The following CHD6 variants were observed in gnomAD, a reference collection of about 807,000 sequenced individuals.
CHD6 encodes ATP-dependent chromatin remodeler CHD6.
Under a neutral mutation model 276.9 loss-of-function variants are expected in CHD6, and 50 were observed. The observed-to-expected ratio is 0.18, with a 90% CI of 0.14 to 0.23. The LOEUF (loss-of-function observed/expected upper bound fraction) is 0.23, where lower values mean the gene tolerates loss of function less well. Among genes scored for constraint, CHD6 ranks in the 10% least tolerant of loss-of-function variants. The pLI, the probability that CHD6 is intolerant of heterozygous loss-of-function variation, is 1.00. For missense variants in CHD6, 2,564 were observed against 3,365.8 expected, an observed-to-expected ratio of 0.76 and a Z score of 5.89; for synonymous variants, 1,173 against 1,229.3, an observed-to-expected ratio of 0.95 and a Z score of 0.96.
At chr20:41,463,489 A>G (rs2042849245) in intron 17 of CHD6, among the ~76,000 whole-genome samples, 1 of 152,242 alleles carries the variant, frequency 6.6e-6, no homozygotes, top group Non-Finnish European at 1.5e-5. Context: ...AGTTACCATC[A>G]TCAGACAAAT....
intron 15 of CHD6, 52 bp from the exon 16 acceptor site, chr20:41,483,571 G>T: frequency 7.6e-7 from 1 of 1,323,654 alleles, no homozygotes; most frequent in Non-Finnish European, 1.0e-6. Flanking sequence ...AAGGATAAAG[G>T]TTGTACTCTG....
chr20:41,439,718 G>A lies in CHD6; in HGVS notation c.4007+282C>T, dbSNP rs141522452. Among the ~76,000 whole-genome samples, 416 of 152,342 alleles carry A rather than the reference G, an allele frequency of 2.7e-3. 2 individuals are homozygous for A. Among genetic ancestry groups the A allele is most frequent in the Middle Eastern group, 0.024 (7 of 294 alleles). Reference sequence around the variant, plus strand: ...CTCTGACCAGACAAGGGATGGACATGGTTAGAAAGCTGGGCAGGCTTTTAG... The same window carrying A: ...CTCTGACCAGACAAGGGATGGACATAGTTAGAAAGCTGGGCAGGCTTTTAG... On this transcript the variant is annotated intron_variant, in intron 26 of 36. Coordinates refer to ENST00000373233, the MANE Select transcript of CHD6 (RefSeq NM_032221.5).
chr20:41,429,116 T>C (rs1349957112), intron 27 of CHD6, among the ~76,000 whole-genome samples: 1 of 152,168 alleles, frequency 6.6e-6, no homozygotes, highest in Non-Finnish European at 1.5e-5. Flanking sequence ...CCACCTACGG[T>C]AGGAACTGTG....
intron 1 of CHD6, among the ~76,000 whole-genome samples, chr20:41,583,069 A>T (rs2045557601): frequency 6.6e-6 from 1 of 152,154 alleles, no homozygotes; most frequent in South Asian, 2.1e-4. Flanking sequence ...TGACGCAGAA[A>T]CAGTATTTGG....
chr20:41,514,869 T>C lies in CHD6; in HGVS notation c.638A>G (p.Asp213Gly), dbSNP rs754170344. The change falls in exon 4 of 37, where the codon GAT (aspartate) becomes GGT (glycine). Residue 213 changes from aspartate (D) to glycine (G), a missense_variant. Coordinates refer to ENST00000373233, the MANE Select transcript of CHD6 (RefSeq NM_032221.5). ...CAGAGATGGGTTCGTCAGGCCCTGATCCAGCTCTAAACTCTCCACTGTAGT... is the reference window on the plus strand; with the variant it reads ...CAGAGATGGGTTCGTCAGGCCCTGACCCAGCTCTAAACTCTCCACTGTAGT... ...SETTVESLEL[D>G]QGLTNPSLRS... 2.4e-5 allele frequency: 38 copies of C among 1,614,100 alleles called. No homozygotes were observed. The highest frequency in any genetic ancestry group is 3.1e-5 in the Non-Finnish European group (37 of 1,179,970).
At chr20:41,551,085 A>G (rs954487978) in intron 2 of CHD6, among the ~76,000 whole-genome samples, 1 of 152,234 alleles carries the variant, frequency 6.6e-6, no homozygotes, top group Non-Finnish European at 1.5e-5. Context: ...ATTCTGATAT[A>G]CAGTTTTCAT....
chr20:41,586,495 G>T (rs977303196), intron 1 of CHD6, among the ~76,000 whole-genome samples: 2 of 152,146 alleles, frequency 1.3e-5, no homozygotes, highest in African/African-American at 4.8e-5. Flanking sequence ...TCACTGCGTG[G>T]GCCAAGGTTC....
In CHD6 at chr20:41,575,749, G is replaced by T. The variant is rs903485969; in HGVS notation, c.-23-24389C>A. ...TCAAATTTCTCCCTTTCATTGTATG[G>T]TTTGTCCCTCCGAGGAGCTGGTCAC... On this transcript the variant is annotated intron_variant, in intron 1 of 36. Transcript: ENST00000373233. 3.9e-5 allele frequency among the ~76,000 whole-genome samples: 6 copies of T among 152,146 alleles called. No individual in the cohort carries two copies. The East Asian group carries it at 1.2e-3, about 29-fold the overall frequency.
At chr20:41,439,937 G>C in intron 26 of CHD6, 63 bp downstream of exon 26, 1 of 1,567,796 alleles carries the variant, frequency 6.4e-7, no homozygotes, top group South Asian at 1.1e-5. Flanking sequence ...GGGTTTATGA[G>C]GAAGGGGTCA....
intron 11 of CHD6, 44 bp downstream of exon 11, chr20:41,491,654 T>C: frequency 6.2e-7 from 1 of 1,612,498 alleles, no homozygotes; most frequent in Non-Finnish European, 8.5e-7. Context: ...AAGGCAATAA[T>C]ATACCTCTGG....
At chr20:41,497,666 A>G (rs1328396163) in intron 7 of CHD6, 165 bp from the exon 8 acceptor site, 2 of 624,458 alleles carry the variant, frequency 3.2e-6, no homozygotes, top group East Asian at 2.7e-5. Context: ...TAAGGGCAAC[A>G]ACAGAAAACA....
intron 1 of CHD6, chr20:41,564,166 T>G (rs76629389): frequency 1.2e-3 from 850 of 718,412 alleles, no homozygotes; most frequent in Non-Finnish European, 1.9e-3. Context: ...AAACAAAAAG[T>G]TACTCTGTTA....
intron 1 of CHD6, among the ~76,000 whole-genome samples, chr20:41,596,683 A>AT (rs2045721422): frequency 6.6e-6 from 1 of 152,172 alleles, no homozygotes; most frequent in South Asian, 2.1e-4. Context: ...AGCATTTAAT[A>AT]TACAGCAGGG....
In CHD6 at chr20:41,403,284, A is replaced by G. The variant is rs537867110; in HGVS notation, c.*1309T>C. On this transcript the variant is annotated 3_prime_UTR_variant, in exon 37 of 37. Coordinates refer to ENST00000373233, the MANE Select transcript of CHD6 (RefSeq NM_032221.5). ...TGCGCCCCCAGAGTACTGAACCATG[A>G]GCTTACTTCAAGTCTCAGAGTGTGA... 2 of 1,062,938 alleles carry G rather than the reference A, an allele frequency of 1.9e-6. No individual in the cohort carries two copies. The highest frequency in any genetic ancestry group is 1.1e-6 in the Non-Finnish European group (1 of 877,504). 65.8% of individuals were successfully genotyped at this position (1,062,938 alleles called of 1,614,324 possible).
chr20:41,443,550 G>A (rs2047965550), intron 25 of CHD6, among the ~76,000 whole-genome samples: 1 of 152,180 alleles, frequency 6.6e-6, no homozygotes, highest in Admixed American at 6.5e-5. Flanking sequence ...CAGACTGTGT[G>A]TGATATTGAT....
At chr20:41,610,119 G>A (rs59766885) in intron 1 of CHD6, among the ~76,000 whole-genome samples, 2 of 152,044 alleles carry the variant, frequency 1.3e-5, no homozygotes, top group Non-Finnish European at 2.9e-5. Context: ...ACCTCCCAAA[G>A]TGTTGGGATT....
chr20:41,407,866 C>A (rs944424644), intron 36 of CHD6, among the ~76,000 whole-genome samples: 1 of 152,156 alleles, frequency 6.6e-6, no homozygotes, highest in Non-Finnish European at 1.5e-5. Context: ...ACGTGTCAGG[C>A]ACTGTACGAA....
chr20:41,528,255 T>C (rs1243715414), intron 3 of CHD6, among the ~76,000 whole-genome samples: 1 of 152,164 alleles, frequency 6.6e-6, no homozygotes, highest in Non-Finnish European at 1.5e-5. Context: ...TAACATTTCA[T>C]GACCCTACAT....
chr20:41,494,516 T>C (rs2043632852), intron 8 of CHD6, among the ~76,000 whole-genome samples: 1 of 152,150 alleles, frequency 6.6e-6, no homozygotes, highest in Non-Finnish European at 1.5e-5. Flanking sequence ...ATGTCCAGAG[T>C]AATGCTAAGT....
Sources: gnomAD v4.1 joint callset for allele counts (sites outside exome capture counted in the v4.1 genomes callset) on GRCh38, gnomAD v4.1.1 for gene constraint, MANE v1.5 for transcripts, NCBI Gene and HGNC (gene_info 2026-07-23, HGNC 2026-07-21) for gene names.